GALNTL6: variants seen among roughly 807,000 people sequenced by gnomAD.
The protein encoded by GALNTL6 is polypeptide N-acetylgalactosaminyltransferase-like 6.
GALNTL6 carries 46 observed loss-of-function variants against 73.7 expected under a neutral mutation model. The ratio of observed to expected loss-of-function variants is 0.62; its 90% CI spans 0.49 to 0.80. GALNTL6 has a LOEUF of 0.80. Among genes scored for constraint, GALNTL6 ranks in the 30% least tolerant of loss-of-function variants. The pLI, the probability that GALNTL6 is intolerant of heterozygous loss-of-function variation, is 0.00. For synonymous variants in GALNTL6, 259 were observed against 263.7 expected, an observed-to-expected ratio of 0.98 and a Z score of 0.17; for missense variants, 604 against 755.0, an observed-to-expected ratio of 0.80 and a Z score of 2.34.
At chr4:172,613,123 C>T (rs1283872548) in intron 5 of GALNTL6, among the ~76,000 whole-genome samples, 1 of 152,012 alleles carries the variant, frequency 6.6e-6, no homozygotes, top group Non-Finnish European at 1.5e-5. Flanking sequence ...TAGATAAGGC[C>T]TCAGCCTTTA....
intron 5 of GALNTL6, among the ~76,000 whole-genome samples, chr4:172,561,110 G>A (rs1268161288): frequency 6.6e-6 from 1 of 151,256 alleles, no homozygotes; most frequent in African/African-American, 2.4e-5. Context: ...AAAATTAGCC[G>A]GGCGCGGTGG....
At chr4:171,938,176 C>A (rs1176292608) in intron 2 of GALNTL6, among the ~76,000 whole-genome samples, 1 of 152,080 alleles carries the variant, frequency 6.6e-6, no homozygotes, top group African/African-American at 2.4e-5. Context: ...AGAAATTTAA[C>A]ATTTCCTGGG....
At chr4:172,182,943 C>T (rs1735300373) in intron 2 of GALNTL6, among the ~76,000 whole-genome samples, 1 of 152,096 alleles carries the variant, frequency 6.6e-6, no homozygotes, top group African/African-American at 2.4e-5. Context: ...AACGCATTCG[C>T]TCAAGGCCTT....
intron 5 of GALNTL6, among the ~76,000 whole-genome samples, chr4:172,696,289 G>T (rs1158342281): frequency 6.6e-6 from 1 of 152,090 alleles, no homozygotes; most frequent in Non-Finnish European, 1.5e-5. Context: ...TTTCTAGCTG[G>T]CATTTACAAA....
At chr4:172,961,638 G>T (rs943063853) in intron 10 of GALNTL6, among the ~76,000 whole-genome samples, 1 of 152,180 alleles carries the variant, frequency 6.6e-6, no homozygotes, top group Admixed American at 6.5e-5. Flanking sequence ...GAAAAGGAAA[G>T]AAATTGAAAT....
intron 2 of GALNTL6, among the ~76,000 whole-genome samples, chr4:171,904,695 G>A (rs1737217280): frequency 1.3e-5 from 2 of 152,134 alleles, no homozygotes; most frequent in African/African-American, 4.8e-5. Context: ...ATAATTATCA[G>A]ATTCACCAAA....
At chr4:172,642,783 A>C (rs1362927444) in intron 5 of GALNTL6, among the ~76,000 whole-genome samples, 1 of 151,952 alleles carries the variant, frequency 6.6e-6, no homozygotes, top group Non-Finnish European at 1.5e-5. Flanking sequence ...TACCCATTTC[A>C]CTATGTATAA....
rs554699396 is a variant in GALNTL6, at chr4:172,847,247, C to T, written c.923+33524C>T. Among the ~76,000 whole-genome samples the T allele has an allele frequency of 5.1e-4, 77 of 152,268 alleles. 1 individual carries two copies. The highest frequency in any genetic ancestry group is 3.9e-3 in the Admixed American group (60 of 15,280). On this transcript the variant is annotated intron_variant, in intron 7 of 12. Transcript: ENST00000506823. ...GACTTTATTAAAGAGAACTCTATCACGCTTATTTGAGTTCTTATCAACTAT... is the reference window on the plus strand; with the variant it reads ...GACTTTATTAAAGAGAACTCTATCATGCTTATTTGAGTTCTTATCAACTAT...
intron 2 of GALNTL6, among the ~76,000 whole-genome samples, chr4:172,146,639 C>G (rs559835203): frequency 9.9e-5 from 15 of 152,142 alleles, no homozygotes; most frequent in African/African-American, 3.6e-4. Context: ...ACAGTATCTC[C>G]TATTAAAATC....
chr4:172,461,376 T>G (rs959465171), intron 5 of GALNTL6, among the ~76,000 whole-genome samples: 1 of 151,880 alleles, frequency 6.6e-6, no homozygotes. Flanking sequence ...AATAAAAGAT[T>G]TTTTTTCTCA....
At position 172,916,498 on chromosome 4, in the gene GALNTL6, C is replaced by G. The variant is rs573492065; in HGVS notation, c.1042-14663C>G. 1.5e-3 allele frequency among the ~76,000 whole-genome samples: 225 copies of G among 152,228 alleles called. 2 individuals carry two copies. The highest frequency in any genetic ancestry group is 6.8e-3 in the Middle Eastern group (2 of 294). ...GACATGATTGTATATTTAGAAAACC[C>G]CATTGTCTCAGCCCAAAATCTCCTT... is the stretch of plus-strand genomic sequence containing the variant. On this transcript the variant is annotated intron_variant, in intron 8 of 12. Transcript: ENST00000506823.
chr4:172,637,721 A>G (rs2111112125), intron 5 of GALNTL6, among the ~76,000 whole-genome samples: 1 of 152,302 alleles, frequency 6.6e-6, no homozygotes, highest in Non-Finnish European at 1.5e-5. Flanking sequence ...TAAATCAAAA[A>G]GCAAATAACT....
chr4:171,964,195 C>A (rs564537565), intron 2 of GALNTL6, among the ~76,000 whole-genome samples: 2 of 151,850 alleles, frequency 1.3e-5, no homozygotes, highest in East Asian at 3.9e-4. Context: ...TTCCTCTGCC[C>A]CAGGAGTCCT....
chr4:172,671,894 T>C (rs1457506675), intron 5 of GALNTL6, among the ~76,000 whole-genome samples: 1 of 152,196 alleles, frequency 6.6e-6, no homozygotes, highest in Non-Finnish European at 1.5e-5. Context: ...TGCCTGTTTT[T>C]TGGTTTGTTT....
chr4:171,929,855 C>T (rs1738118773), intron 2 of GALNTL6, among the ~76,000 whole-genome samples: 1 of 152,214 alleles, frequency 6.6e-6, no homozygotes. Flanking sequence ...GCCCCAGCTC[C>T]CTGGAAAACG....
chr4:172,287,550 A>G (rs1275566530), intron 3 of GALNTL6, among the ~76,000 whole-genome samples: 1 of 152,226 alleles, frequency 6.6e-6, no homozygotes, highest in African/African-American at 2.4e-5. Context: ...ACCTAGAAAT[A>G]ACTACTACAT....
intron 5 of GALNTL6, among the ~76,000 whole-genome samples, chr4:172,782,927 A>C (rs1045853959): frequency 6.6e-6 from 1 of 152,150 alleles, no homozygotes; most frequent in African/African-American, 2.4e-5. Flanking sequence ...CTTGTTATGC[A>C]TGGTCTAGAA....
At chr4:171,905,122 A>G (rs1473331920) in intron 2 of GALNTL6, among the ~76,000 whole-genome samples, 3 of 152,310 alleles carry the variant, frequency 2.0e-5, no homozygotes, top group African/African-American at 7.2e-5. Context: ...TCATAATGAC[A>G]GGATCAAATT....
chr4:172,144,512 T>C (rs774505606), intron 2 of GALNTL6, among the ~76,000 whole-genome samples: 6 of 152,184 alleles, frequency 3.9e-5, no homozygotes, highest in Non-Finnish European at 8.8e-5. Context: ...AGTTACATGA[T>C]AAAATCATAT....
Sources: allele counts gnomAD v4.1 joint callset (sites outside exome capture counted in the v4.1 genomes callset), GRCh38; gene constraint gnomAD v4.1.1; transcripts MANE v1.5; gene names NCBI Gene and HGNC (gene_info 2026-07-23, HGNC 2026-07-21).